Variants in BMERB1 observed in about 807,000 individuals in gnomAD.
BMERB1 encodes the protein bMERB domain containing 1.
In BMERB1, 12 loss-of-function variants were observed where a neutral mutation model predicts 23.6. The ratio of observed to expected loss-of-function variants is 0.51; its 90% CI spans 0.33 to 0.82. The LOEUF (loss-of-function observed/expected upper bound fraction) is 0.82. Ranked by LOEUF, BMERB1 falls within the 40% of genes least tolerant of loss-of-function variation. The probability of loss-of-function intolerance (pLI) is 0.03; values close to 1 mark genes in which losing one functional copy is unlikely to be tolerated. For synonymous variants in BMERB1, 122 were observed against 96.6 expected, an observed-to-expected ratio of 1.26 and a Z score of -1.54; for missense variants, 247 against 255.4, an observed-to-expected ratio of 0.97 and a Z score of 0.22.
rs372107057 is a variant in BMERB1 at position 15,541,370 on chromosome 16, T to G, written c.230+25942T>G. ...AGCTTTTATAATTCAGTCGCCAGCC[T>G]CCTCCTCTTCCTGGCAGGTCAGCGA... On this transcript the variant is annotated intron_variant, in intron 2 of 5. Transcript: ENST00000300006. Among the ~76,000 whole-genome samples the G allele has an allele frequency of 1.4e-4, 21 of 149,218 alleles. No individual in the cohort carries two copies. The East Asian group carries it at 2.0e-3, about 14-fold the overall frequency.
intron 1 of BMERB1, among the ~76,000 whole-genome samples, chr16:15,513,177 C>T (rs766590691): frequency 1.3e-5 from 2 of 152,110 alleles, no homozygotes; most frequent in Admixed American, 6.5e-5. Context: ...AAACATAGCC[C>T]GAAGGAACCC....
intron 2 of BMERB1, among the ~76,000 whole-genome samples, chr16:15,552,119 C>A (rs1417840935): frequency 6.6e-6 from 1 of 152,072 alleles, no homozygotes; most frequent in Non-Finnish European, 1.5e-5. Context: ...TCATTCTAGG[C>A]ACTGGTAAGA....
At chr16:15,563,211 A>C (rs1029044306) in intron 2 of BMERB1, among the ~76,000 whole-genome samples, 10 of 152,062 alleles carry the variant, frequency 6.6e-5, no homozygotes, top group African/African-American at 2.4e-4. Flanking sequence ...GTGTAACTCT[A>C]TCTCTATTAT....
chr16:15,515,588 A>T (rs1304319012), intron 2 of BMERB1, among the ~76,000 whole-genome samples, 160 bp downstream of exon 2: 2 of 152,158 alleles, frequency 1.3e-5, no homozygotes, highest in Non-Finnish European at 2.9e-5. Flanking sequence ...AGGGAAGTGG[A>T]TATTGTCATC....
intron 2 of BMERB1, among the ~76,000 whole-genome samples, chr16:15,564,022 CCCTCTCTCTT>C (rs1271381305): frequency 6.6e-6 from 1 of 152,160 alleles, no homozygotes; most frequent in Non-Finnish European, 1.5e-5. Context: ...TGGCACCTCC[CCCTCTCTCTT>C]GCTTCCACTC....
At chr16:15,556,573 T>C (rs1380813395) in intron 2 of BMERB1, among the ~76,000 whole-genome samples, 3 of 152,100 alleles carry the variant, frequency 2.0e-5, no homozygotes, top group Non-Finnish European at 4.4e-5. Flanking sequence ...CCTCATCTTA[T>C]TTATTTATTT....
At chr16:15,541,155 T>C (rs748001810) in intron 2 of BMERB1, among the ~76,000 whole-genome samples, 3 of 152,070 alleles carry the variant, frequency 2.0e-5, no homozygotes, top group Non-Finnish European at 1.5e-5. Context: ...AGGAAAGCCC[T>C]TCACTTATGT....
Position 15,495,646 on chromosome 16 carries a change from G to A in BMERB1, c.107-19659G>A, listed in dbSNP as rs148426283. Among the ~76,000 whole-genome samples, 884 of 152,252 alleles carry A rather than the reference G, an allele frequency of 5.8e-3. 8 individuals are homozygous for A. Among genetic ancestry groups the A allele is most frequent in the African/African-American group, 0.02 (832 of 41,550 alleles). On this transcript the variant is annotated intron_variant, in intron 1 of 5. Transcript: ENST00000300006. ...CTCCCGAAGTGCTGGGATTACAGGC[G>A]TGAGCCACCGCGCCTGGCCTACTTT...
At position 15,469,625 on chromosome 16, in the gene BMERB1, T is replaced by C. The variant is rs138538770; in HGVS notation, c.106+34866T>C. Reference sequence around the variant, plus strand: ...GGAGTTTGCCAATCCATGAACACAATATGTCTCCCGATTTATTGAGATATT... The same window carrying C: ...GGAGTTTGCCAATCCATGAACACAACATGTCTCCCGATTTATTGAGATATT... On this transcript the variant is annotated intron_variant, in intron 1 of 5. Coordinates refer to ENST00000300006, the MANE Select transcript of BMERB1 (RefSeq NM_033201.3). Among the ~76,000 whole-genome samples the C allele has an allele frequency of 4.9e-3, 750 of 152,342 alleles. 7 individuals carry two copies. Among genetic ancestry groups the C allele is most frequent in the Middle Eastern group, 0.02 (6 of 294 alleles).
intron 1 of BMERB1, among the ~76,000 whole-genome samples, chr16:15,460,147 T>G (rs1000290794): frequency 6.6e-6 from 1 of 152,172 alleles, no homozygotes; most frequent in African/African-American, 2.4e-5. Flanking sequence ...CTTCTCCAAC[T>G]TCTATGGAAG....
intron 2 of BMERB1, among the ~76,000 whole-genome samples, chr16:15,526,848 A>C (rs2051911507): frequency 6.6e-6 from 1 of 150,376 alleles, no homozygotes; most frequent in Admixed American, 6.6e-5. Flanking sequence ...ATTTTTACTT[A>C]AGTAGGATGT....
rs1598523284 is a variant in BMERB1, at chr16:15,563,534, T to C, written c.231-4449T>C. 2.0e-5 allele frequency among the ~76,000 whole-genome samples: 3 copies of C among 152,210 alleles called. No homozygotes were observed. The South Asian group carries it at 6.2e-4, about 32-fold the overall frequency. The stretch of plus-strand genomic sequence containing the variant: ...GTGCCCAGCCAGAAAAAAAAATTTT[T>C]AAACAGGCTACCTCAGATTGGGTAA... On this transcript the variant is annotated intron_variant, in intron 2 of 5. Transcript: ENST00000300006.
intron 2 of BMERB1, among the ~76,000 whole-genome samples, chr16:15,547,343 C>CTT (rs749191533): frequency 7.5e-6 from 1 of 134,036 alleles, no homozygotes; most frequent in Admixed American, 7.6e-5. Flanking sequence ...TTTTCTTCTT[C>CTT]TTTTTTTTTT....
chr16:15,564,886 G>A (rs1189779098), intron 2 of BMERB1, among the ~76,000 whole-genome samples: 1 of 152,064 alleles, frequency 6.6e-6, no homozygotes, highest in East Asian at 1.9e-4. Flanking sequence ...CTTTACCCCA[G>A]CTCATTCCTT....
chr16:15,458,152 T>C (rs1206634276), intron 1 of BMERB1, among the ~76,000 whole-genome samples: 1 of 152,220 alleles, frequency 6.6e-6, no homozygotes, highest in African/African-American at 2.4e-5. Flanking sequence ...CAGAAGACTT[T>C]CCTGACACCT....
chr16:15,580,459 T>C (rs1303229824), intron 3 of BMERB1, among the ~76,000 whole-genome samples: 1 of 152,064 alleles, frequency 6.6e-6, no homozygotes, highest in Non-Finnish European at 1.5e-5. Flanking sequence ...AACTGAAGCT[T>C]GAAGAGGTCA....
intron 1 of BMERB1, among the ~76,000 whole-genome samples, chr16:15,463,908 A>G (rs929204445): frequency 6.6e-6 from 1 of 151,952 alleles, no homozygotes. Context: ...GCATAAAACT[A>G]TTACTGGAAA....
chr16:15,490,987 A>G (rs1240557440), intron 1 of BMERB1, among the ~76,000 whole-genome samples: 1 of 151,420 alleles, frequency 6.6e-6, no homozygotes, highest in Non-Finnish European at 1.5e-5. Flanking sequence ...CTGGGACCAG[A>G]GGCACACCCA....
At chr16:15,575,365 A>G (rs571580111) in intron 3 of BMERB1, among the ~76,000 whole-genome samples, 1 of 152,312 alleles carries the variant, frequency 6.6e-6, no homozygotes, top group Admixed American at 6.5e-5. Context: ...TTCCTTGGCT[A>G]TTGTTTTAGG....
Sources: gnomAD v4.1 joint callset for allele counts (sites outside exome capture counted in the v4.1 genomes callset) on GRCh38, gnomAD v4.1.1 for gene constraint, MANE v1.5 for transcripts, NCBI Gene and HGNC (gene_info 2026-07-23, HGNC 2026-07-21) for gene names.